CDH12: variants seen among roughly 807,000 people sequenced by gnomAD.
CDH12 encodes cadherin 12.
Under a neutral mutation model 74.1 loss-of-function variants are expected in CDH12, and 41 were observed. The observed-to-expected ratio is 0.55, with a 90% CI of 0.43 to 0.72. CDH12 has a LOEUF of 0.72. Ranked by LOEUF, CDH12 falls within the 30% of genes least tolerant of loss-of-function variation. The pLI, the probability that CDH12 is intolerant of heterozygous loss-of-function variation, is 0.00. For synonymous variants in CDH12, 399 were observed against 355.0 expected (o/e 1.12, Z -1.39); for missense variants, 945 against 977.2 (o/e 0.97, Z 0.44).
At chr5:22,792,244 A>C (rs1747952418) in intron 1 of CDH12, among the ~76,000 whole-genome samples, 2 of 151,814 alleles carry the variant, frequency 1.3e-5, no homozygotes, top group Admixed American at 1.3e-4. Context: ...GCCCGCCATC[A>C]CGCCCCACTA....
intron 2 of CDH12, among the ~76,000 whole-genome samples, chr5:22,464,917 G>A (rs971095428): frequency 6.6e-6 from 1 of 151,798 alleles, no homozygotes; most frequent in Non-Finnish European, 1.5e-5. Flanking sequence ...TAGGAGAATG[G>A]CTTGAACCCG....
intron 3 of CDH12, among the ~76,000 whole-genome samples, chr5:22,392,317 C>T (rs563465494): frequency 6.6e-6 from 1 of 152,238 alleles, no homozygotes; most frequent in Non-Finnish European, 1.5e-5. Context: ...ACTTACATCC[C>T]ATCCACCAAT....
intron 2 of CDH12, among the ~76,000 whole-genome samples, chr5:22,457,383 T>G (rs765259894): frequency 6.0e-5 from 9 of 149,802 alleles, no homozygotes; most frequent in Non-Finnish European, 7.4e-5. Context: ...CTCCTTTTCC[T>G]TCTCCTTCTC....
intron 1 of CDH12, among the ~76,000 whole-genome samples, chr5:22,645,178 G>A (rs1442901080): frequency 6.6e-6 from 1 of 151,964 alleles, no homozygotes; most frequent in Non-Finnish European, 1.5e-5. Context: ...TAATGGATCT[G>A]GGCAAAATCA....
chr5:22,439,845 T>G (rs1290852427), intron 2 of CDH12, among the ~76,000 whole-genome samples: 1 of 152,138 alleles, frequency 6.6e-6, no homozygotes, highest in Non-Finnish European at 1.5e-5. Flanking sequence ...TTGCTTTCAA[T>G]TGTCTTGAAC....
intron 1 of CDH12, among the ~76,000 whole-genome samples, chr5:22,664,451 A>T (rs1008383153): frequency 2.0e-5 from 3 of 152,106 alleles, no homozygotes; most frequent in African/African-American, 7.2e-5. Context: ...TCTTGCGAGA[A>T]TTCACTCACT....
At chr5:22,092,918 T>G (rs996810092) in intron 4 of CDH12, among the ~76,000 whole-genome samples, 2 of 152,112 alleles carry the variant, frequency 1.3e-5, no homozygotes, top group Non-Finnish European at 2.9e-5. Flanking sequence ...TTCAAGGGAT[T>G]TGGGGACTGA....
chr5:22,175,838 C>T (rs1413109947), intron 4 of CDH12, among the ~76,000 whole-genome samples: 2 of 152,074 alleles, frequency 1.3e-5, no homozygotes, highest in African/African-American at 4.8e-5. Flanking sequence ...TGAACTAGCG[C>T]AATAAATAGG....
intron 5 of CDH12, among the ~76,000 whole-genome samples, chr5:21,987,383 A>G (rs531680238): frequency 2.1e-3 from 319 of 152,328 alleles, no homozygotes; most frequent in Middle Eastern, 3.4e-3. Flanking sequence ...AGTATAGACA[A>G]AATGACCTAT....
At chr5:22,229,227 T>A (rs1406872774) in intron 3 of CDH12, among the ~76,000 whole-genome samples, 1 of 151,912 alleles carries the variant, frequency 6.6e-6, no homozygotes, top group Non-Finnish European at 1.5e-5. Flanking sequence ...AAATCATTTA[T>A]ATTATGATGC....
chr5:21,826,382 T>C (rs1419708910), intron 8 of CDH12, among the ~76,000 whole-genome samples: 1 of 152,162 alleles, frequency 6.6e-6, no homozygotes, highest in Non-Finnish European at 1.5e-5. Flanking sequence ...AGAATCTGCT[T>C]CTTAGTAGCA....
intron 5 of CDH12, among the ~76,000 whole-genome samples, chr5:22,052,091 C>T (rs1474008166): frequency 1.3e-5 from 2 of 152,138 alleles, no homozygotes; most frequent in East Asian, 1.9e-4. Flanking sequence ...TTCATTTACC[C>T]CTTGGTTAAA....
intron 2 of CDH12, among the ~76,000 whole-genome samples, chr5:22,504,367 G>GAAAGAA (rs1736294391): frequency 1.3e-5 from 2 of 151,890 alleles, no homozygotes; most frequent in Non-Finnish European, 2.9e-5. Flanking sequence ...AGGATAATGA[G>GAAAGAA]AAAGAAAAAG....
intron 1 of CDH12, among the ~76,000 whole-genome samples, chr5:22,700,753 T>A (rs1353373478): frequency 6.6e-6 from 1 of 152,220 alleles, no homozygotes; most frequent in Non-Finnish European, 1.5e-5. Flanking sequence ...CTGATGATAT[T>A]CAGTTATTGA....
intron 2 of CDH12, among the ~76,000 whole-genome samples, chr5:22,500,308 C>G (rs1747280723): frequency 6.6e-6 from 1 of 152,144 alleles, no homozygotes; most frequent in African/African-American, 2.4e-5. Context: ...AGAGAGCCAG[C>G]TGTCTCTATT....
chr5:21,974,180 A>G (rs1294166112), intron 6 of CDH12, among the ~76,000 whole-genome samples: 1 of 152,104 alleles, frequency 6.6e-6, no homozygotes, highest in East Asian at 1.9e-4. Context: ...CCCCTGGGTC[A>G]TGTCAGATTT....
At chr5:22,542,503 GGAATTAAT>G (rs1163480248) in intron 1 of CDH12, among the ~76,000 whole-genome samples, 7 of 152,072 alleles carry the variant, frequency 4.6e-5, no homozygotes, top group Admixed American at 2.0e-4. Flanking sequence ...AAGTGGCTCT[GGAATTAAT>G]GATCAGTTTG....
At chr5:22,185,199 C>CTT (rs10656260) in intron 4 of CDH12, among the ~76,000 whole-genome samples, 6,041 of 138,028 alleles carry the variant, frequency 0.044, 267 homozygotes, top group African/African-American at 0.11. Flanking sequence ...CTCTCTCTCT[C>CTT]TTTTTTTTTT....
chr5:22,124,604 A>C (rs1027750219), intron 4 of CDH12, among the ~76,000 whole-genome samples: 30 of 152,180 alleles, frequency 2.0e-4, no homozygotes, highest in Non-Finnish European at 5.9e-5. Flanking sequence ...CAGGTCCTTC[A>C]GTGCCTTTTT....
Sources: allele counts gnomAD v4.1 joint callset (sites outside exome capture counted in the v4.1 genomes callset), GRCh38; gene constraint gnomAD v4.1.1; transcripts MANE v1.5; gene names NCBI Gene and HGNC (gene_info 2026-07-23, HGNC 2026-07-21).